SPG21: variants seen among roughly 807,000 people sequenced by gnomAD.
SPG21 encodes the protein SPG21 abhydrolase domain containing, maspardin.
Under a neutral mutation model 38.9 loss-of-function variants are expected in SPG21, and 26 were observed. That is an observed-to-expected ratio of 0.67 (90% CI 0.49 to 0.93). The LOEUF is 0.93. Ranked by LOEUF, SPG21 falls within the 40% of genes least tolerant of loss-of-function variation. The pLI is 0.00. For synonymous variants in SPG21, 136 were observed against 128.9 expected (o/e 1.05, Z -0.37); for missense variants, 333 against 376.5 (o/e 0.88, Z 0.96).
At chr15:64,986,277 A>C (rs1369621322) in intron 1 of SPG21, among the ~76,000 whole-genome samples, 1 of 152,208 alleles carries the variant, frequency 6.6e-6, no homozygotes, top group Non-Finnish European at 1.5e-5. Context: ...GAGGCAGGAG[A>C]ATCACTTGAA....
At chr15:64,982,637 A>G (rs372032941) in intron 2 of SPG21, among the ~76,000 whole-genome samples, 3 of 152,060 alleles carry the variant, frequency 2.0e-5, no homozygotes, top group African/African-American at 7.3e-5. Context: ...CAAAGGTTTT[A>G]CTCTACTCAG....
chr15:64,969,385 A>G (rs778157223), intron 6 of SPG21, 23 bp from the exon 7 acceptor site: 102 of 1,510,800 alleles, frequency 6.8e-5, no homozygotes, highest in Non-Finnish European at 8.3e-5. Flanking sequence ...ACACAGGTAA[A>G]GTTTTTGAAA....
chr15:64,983,561 C>A lies in SPG21; in HGVS notation c.9G>T (p.Glu3Asp). Residue 3 changes from glutamate to aspartate, a missense_variant, in exon 2 of 9, where the codon GAG becomes GAT. Coordinates refer to ENST00000204566, the MANE Select transcript of SPG21 (RefSeq NM_016630.7). MG[E>D]IKVSPDYNWF... The stretch of plus-strand genomic sequence containing the variant: ...AGTTATAATCAGGAGAGACTTTAAT[C>A]TCTCCCATGATTAGCTGAAATGGAG... The A allele has an allele frequency of 1.3e-6, 2 of 1,574,510 alleles. No individual in the cohort carries two copies. Among genetic ancestry groups the A allele is most frequent in the Non-Finnish European group, 8.7e-7 (1 of 1,155,936 alleles).
At chr15:64,969,975 ATAATATC>A in intron 6 of SPG21, 132 bp downstream of exon 6, 1 of 810,968 alleles carries the variant, frequency 1.2e-6, no homozygotes, top group South Asian at 1.3e-5. Context: ...CTTACCAGCA[ATAATATC>A]TGCTCAGATG....
chr15:64,982,140 TTC>T (rs1448163392), intron 2 of SPG21, among the ~76,000 whole-genome samples: 34 of 101,490 alleles, frequency 3.4e-4, no homozygotes, highest in Middle Eastern at 5.0e-3. Flanking sequence ...TTCTTTTCTT[TTC>T]TTTTTTTTTT....
intron 2 of SPG21, among the ~76,000 whole-genome samples, chr15:64,982,702 G>T (rs1192417758): frequency 6.6e-6 from 1 of 152,306 alleles, no homozygotes; most frequent in East Asian, 1.9e-4. Context: ...ATTAATTTGG[G>T]AAGCAGAGTC....
intron 4 of SPG21, among the ~76,000 whole-genome samples, chr15:64,975,085 C>T (rs530000825): frequency 1.4e-4 from 22 of 151,938 alleles, no homozygotes; most frequent in African/African-American, 5.1e-4. Flanking sequence ...GTCAGGAGTT[C>T]GAGACCAGCC....
At chr15:64,965,253 A>G (rs1798134610) in intron 8 of SPG21, 67 bp downstream of exon 8, 1 of 1,604,908 alleles carries the variant, frequency 6.2e-7, no homozygotes. Flanking sequence ...TAGTCCATTA[A>G]AAGAAGTCTT....
chr15:64,974,857 C>T (rs1291251237), intron 4 of SPG21, 110 bp from the exon 5 acceptor site: 5 of 1,203,912 alleles, frequency 4.2e-6, no homozygotes, highest in Admixed American at 2.0e-5. Context: ...TATCACTAGC[C>T]AATAGACTAA....
chr15:64,974,660 T>G lies in SPG21; in HGVS notation c.394A>C (p.Ile132Leu). ...GTGTCACTGAAGGAATTGCAGAGGA[T>G]TAGGGAATGGACTCTAGGAGATTTG... is the stretch of plus-strand genomic sequence containing the variant. The part of the protein sequence containing the change: ...THKSPRVHSL[I>L]LCNSFSDTSI... Residue 132 changes from isoleucine to leucine, a missense_variant, in exon 5 of 9, where the codon ATC becomes CTC. Ile to Leu is a conservative substitution (Grantham distance 5). Coordinates refer to ENST00000204566, the MANE Select transcript of SPG21 (RefSeq NM_016630.7). 6.2e-7 allele frequency: 1 copy of G among 1,614,162 alleles called. No homozygotes were observed. The highest frequency in any genetic ancestry group is 8.5e-7 in the Non-Finnish European group (1 of 1,180,026).
chr15:64,965,954 G>A (rs551346960), intron 7 of SPG21, among the ~76,000 whole-genome samples: 25 of 152,022 alleles, frequency 1.6e-4, no homozygotes, highest in Admixed American at 1.2e-3. Flanking sequence ...TGCCCACCTC[G>A]GCCTCCCAAA....
chr15:64,968,957 GTCC>G (rs2085605121), intron 7 of SPG21, among the ~76,000 whole-genome samples: 1 of 151,808 alleles, frequency 6.6e-6, no homozygotes, highest in Non-Finnish European at 1.5e-5. Context: ...GCCCAGGCTG[GTCC>G]TGAACTCTTG....
At chr15:64,972,008 A>C (rs2085676067) in intron 5 of SPG21, among the ~76,000 whole-genome samples, 1 of 152,160 alleles carries the variant, frequency 6.6e-6, no homozygotes, top group African/African-American at 2.4e-5. Flanking sequence ...TCTTTAGTTT[A>C]TATTTATTCC....
At chr15:64,978,785 T>C (rs1341880407) in intron 3 of SPG21, among the ~76,000 whole-genome samples, 1 of 152,136 alleles carries the variant, frequency 6.6e-6, no homozygotes. Context: ...CAAAATTATA[T>C]GCAACTTAAT....
chr15:64,965,998 G>A (rs571270159), intron 7 of SPG21, among the ~76,000 whole-genome samples: 2 of 152,030 alleles, frequency 1.3e-5, no homozygotes, highest in Non-Finnish European at 2.9e-5. Flanking sequence ...CACCAAGCCC[G>A]GCTGGGGTCG....
intron 3 of SPG21, 105 bp from the exon 4 acceptor site, chr15:64,976,660 C>G (rs1273625115): frequency 3.8e-6 from 3 of 792,806 alleles, no homozygotes; most frequent in Non-Finnish European, 6.4e-6. Context: ...CTCGTTTGCT[C>G]AAGCGCTGCT....
intron 2 of SPG21, 142 bp from the exon 3 acceptor site, chr15:64,981,167 T>G: frequency 2.2e-6 from 2 of 929,250 alleles, no homozygotes. Flanking sequence ...CAGATTAGCA[T>G]GCATGACAAA....
chr15:64,972,305 AGT>A (rs2085682859), intron 5 of SPG21, among the ~76,000 whole-genome samples: 2 of 152,322 alleles, frequency 1.3e-5, no homozygotes, highest in South Asian at 4.1e-4. Context: ...CTGGATCCTC[AGT>A]GTGTGGCACA....
intron 1 of SPG21, among the ~76,000 whole-genome samples, chr15:64,984,570 C>T (rs1284405310): frequency 6.6e-6 from 1 of 152,012 alleles, no homozygotes; most frequent in East Asian, 1.9e-4. Flanking sequence ...CTGCACTGGT[C>T]TCGAATTCCT....
Sources: gnomAD v4.1 joint callset for allele counts (sites outside exome capture counted in the v4.1 genomes callset) on GRCh38, gnomAD v4.1.1 for gene constraint, MANE v1.5 for transcripts, NCBI Gene and HGNC (gene_info 2026-07-23, HGNC 2026-07-21) for gene names.